The following TNR variants were observed in gnomAD, a reference collection of about 807,000 sequenced individuals.
TNR encodes tenascin-R.
A neutral mutation model predicts 150.4 loss-of-function variants in TNR; 45 were observed. That is an observed-to-expected ratio of 0.30 (90% CI 0.24 to 0.38). The LOEUF is 0.38. TNR is among the 10% of genes least tolerant of loss of function. The pLI is 1.00. For synonymous variants in TNR, 687 were observed against 678.4 expected (o/e 1.01, Z -0.20); for missense variants, 1,544 against 1,759.1 (o/e 0.88, Z 2.19).
intron 4 of TNR, among the ~76,000 whole-genome samples, chr1:175,402,313 CA>C (rs149037374): frequency 8.0e-3 from 334 of 41,678 alleles, no homozygotes; most frequent in South Asian, 0.016. Context: ...GACTCCGTCT[CA>C]AAAAAAAAAA....
intron 2 of TNR, among the ~76,000 whole-genome samples, chr1:175,409,011 T>A (rs1654084131): frequency 6.6e-6 from 1 of 152,202 alleles, no homozygotes; most frequent in African/African-American, 2.4e-5. Context: ...TAGAGTGACA[T>A]GTTGGAATCA....
intron 2 of TNR, among the ~76,000 whole-genome samples, chr1:175,452,070 GA>G (rs1403914239): frequency 6.6e-6 from 1 of 152,232 alleles, no homozygotes; most frequent in Non-Finnish European, 1.5e-5. Context: ...AGAGGAAGCA[GA>G]AGTTAGCAGC....
chr1:175,462,409 G>A (rs1656860564), intron 2 of TNR, among the ~76,000 whole-genome samples: 1 of 152,176 alleles, frequency 6.6e-6, no homozygotes, highest in African/African-American at 2.4e-5. Flanking sequence ...AACGGGGAGG[G>A]AGAAAAAATC....
intron 1 of TNR, among the ~76,000 whole-genome samples, chr1:175,741,391 G>A (rs749911847): frequency 6.6e-6 from 1 of 152,172 alleles, no homozygotes; most frequent in Non-Finnish European, 1.5e-5. Context: ...GGTGACTTCA[G>A]TAATAAACTG....
At chr1:175,495,813 C>T (rs931100744) in intron 2 of TNR, among the ~76,000 whole-genome samples, 4 of 152,182 alleles carry the variant, frequency 2.6e-5, no homozygotes, top group Non-Finnish European at 5.9e-5. Context: ...CTGGGACCTG[C>T]GTCAGGCATT....
chr1:175,377,243 G>C (rs1249680836), intron 9 of TNR, among the ~76,000 whole-genome samples: 1 of 152,186 alleles, frequency 6.6e-6, no homozygotes, highest in South Asian at 2.1e-4. Context: ...TGGAATAAGA[G>C]AGATGATCAG....
intron 1 of TNR, among the ~76,000 whole-genome samples, chr1:175,530,839 G>T (rs769497869): frequency 1.3e-5 from 2 of 151,736 alleles, no homozygotes; most frequent in African/African-American, 4.8e-5. Flanking sequence ...TTCCTTTCAC[G>T]CTCATTTAAC....
chr1:175,519,134 C>T (rs1659530509), intron 2 of TNR, among the ~76,000 whole-genome samples: 1 of 152,168 alleles, frequency 6.6e-6, no homozygotes, highest in African/African-American at 2.4e-5. Flanking sequence ...CTGTAACAGC[C>T]AGACAGTAAT....
intron 2 of TNR, among the ~76,000 whole-genome samples, chr1:175,465,155 C>T (rs1401310646): frequency 1.5e-4 from 23 of 152,218 alleles, no homozygotes. Flanking sequence ...TAACACACAG[C>T]TGTTAAAAAG....
chr1:175,483,898 A>T (rs1045294661), intron 2 of TNR, among the ~76,000 whole-genome samples: 1 of 152,132 alleles, frequency 6.6e-6, no homozygotes, highest in African/African-American at 2.4e-5. Flanking sequence ...CCCATGCCAC[A>T]CACACACATG....
Position 175,447,212 on chromosome 1 carries a change from G to T in TNR, c.-63-40435C>A, listed in dbSNP as rs549527040. ...GTAGGGGTGGTATGGAGTCAGGGGA[G>T]GAGTGGGTGAGGAGGGGGTGGGGAG... On this transcript the variant is annotated intron_variant, in intron 2 of 22. Coordinates refer to ENST00000367674, the MANE Select transcript of TNR (RefSeq NM_003285.3). Among the ~76,000 whole-genome samples the T allele has an allele frequency of 2.0e-4, 30 of 152,154 alleles. 1 individual carries two copies. In the South Asian group the frequency reaches 5.2e-3, roughly 26 times the overall value.
At chr1:175,529,184 C>A (rs936086731) in intron 1 of TNR, among the ~76,000 whole-genome samples, 9 of 152,330 alleles carry the variant, frequency 5.9e-5, no homozygotes, top group African/African-American at 2.2e-4. Flanking sequence ...TTGCTTCTCA[C>A]AAACCCTGCT....
intron 1 of TNR, among the ~76,000 whole-genome samples, chr1:175,653,016 A>G (rs1571717128): frequency 6.6e-6 from 1 of 152,232 alleles, no homozygotes; most frequent in Admixed American, 6.5e-5. Context: ...GTTGGCAAAC[A>G]TCTTAAAGTC....
At chr1:175,355,457 C>T (rs942307134) in intron 17 of TNR, 46 bp downstream of exon 17, 15 of 1,601,550 alleles carry the variant, frequency 9.4e-6, no homozygotes, top group Non-Finnish European at 1.1e-5. Flanking sequence ...TTCCACATGG[C>T]CTCACTTGGA....
intron 2 of TNR, among the ~76,000 whole-genome samples, chr1:175,514,154 G>A (rs1210219837): frequency 6.6e-6 from 1 of 152,224 alleles, no homozygotes; most frequent in Non-Finnish European, 1.5e-5. Context: ...AAAATAGGGA[G>A]ATTAACCTGA....
chr1:175,641,123 A>C (rs532377276), intron 1 of TNR, among the ~76,000 whole-genome samples: 1 of 152,350 alleles, frequency 6.6e-6, no homozygotes, highest in East Asian at 1.9e-4. Flanking sequence ...AATAAAATAC[A>C]TGAAATTTGG....
At chr1:175,506,644 C>G (rs979658181) in intron 2 of TNR, among the ~76,000 whole-genome samples, 1 of 152,198 alleles carries the variant, frequency 6.6e-6, no homozygotes, top group African/African-American at 2.4e-5. Context: ...TCAGAGGAAA[C>G]GCATCCTGCC....
chr1:175,686,640 C>T (rs913401040), intron 1 of TNR, among the ~76,000 whole-genome samples: 2 of 152,162 alleles, frequency 1.3e-5, no homozygotes, highest in African/African-American at 4.8e-5. Flanking sequence ...CCCTTGTCCC[C>T]TCCATCCCCC....
intron 1 of TNR, among the ~76,000 whole-genome samples, chr1:175,569,486 G>A (rs1330591450): frequency 2.0e-5 from 3 of 152,186 alleles, no homozygotes; most frequent in Admixed American, 6.5e-5. Context: ...AGCAGCTGAC[G>A]ATATAATTGT....
Sources: allele counts gnomAD v4.1 joint callset (sites outside exome capture counted in the v4.1 genomes callset), GRCh38; gene constraint gnomAD v4.1.1; transcripts MANE v1.5; gene names NCBI Gene and HGNC (gene_info 2026-07-23, HGNC 2026-07-21).